MAGI2: variants seen among roughly 807,000 people sequenced by gnomAD.
The protein encoded by MAGI2 is membrane-associated guanylate kinase, WW and PDZ domain-containing protein 2.
Under a neutral mutation model 133.3 loss-of-function variants are expected in MAGI2, and 35 were observed. The observed-to-expected ratio is 0.26, with a 90% CI of 0.20 to 0.35. The LOEUF is 0.35. Ranked by LOEUF, MAGI2 falls within the 10% of genes least tolerant of loss-of-function variation. The probability of loss-of-function intolerance (pLI) is 1.00; values close to 1 mark genes in which losing one functional copy is unlikely to be tolerated. For synonymous variants in MAGI2, 729 were observed against 710.6 expected, an observed-to-expected ratio of 1.03 and a Z score of -0.41; for missense variants, 1,636 against 1,863.4, an observed-to-expected ratio of 0.88 and a Z score of 2.25.
At chr7:78,253,380 C>T (rs778369439) in intron 10 of MAGI2, 4 of 152,040 alleles carry the variant, frequency 2.6e-5, no homozygotes, top group Non-Finnish European at 5.9e-5. Context: ...TTAGTGGTTA[C>T]CTGGGGTTTG....
intron 21 of MAGI2, among the ~76,000 whole-genome samples, chr7:78,020,930 T>C (rs191355546): frequency 1.2e-3 from 186 of 152,334 alleles, no homozygotes; most frequent in Non-Finnish European, 2.3e-3. Flanking sequence ...AAGATAATTC[T>C]TTCTAGGAAG....
At position 78,138,625 on chromosome 7, in the gene MAGI2, T is replaced by TCACA. The variant is rs202115434; in HGVS notation, c.2846-3423_2846-3420dup. On this transcript the variant is annotated intron_variant, in intron 16 of 21. Coordinates refer to ENST00000354212, the MANE Select transcript of MAGI2 (RefSeq NM_012301.4). The stretch of plus-strand genomic sequence containing the variant: ...ATCCCAAATGTTTCAAAACATAGAT[T>TCACA]CACACACACACACACACACACACAC... Among the ~76,000 whole-genome samples the TCACA allele has an allele frequency of 6.7e-3, 865 of 129,382 alleles. 6 individuals are homozygous for TCACA. The highest frequency in any genetic ancestry group is 0.021 in the East Asian group (90 of 4,360). The allele number at this position is 129,382 out of a possible 152,430, so 84.9% of individuals were successfully genotyped here.
At chr7:78,997,155 T>C (rs1806383621) in intron 2 of MAGI2, among the ~76,000 whole-genome samples, 2 of 152,178 alleles carry the variant, frequency 1.3e-5, no homozygotes, top group Non-Finnish European at 1.5e-5. Flanking sequence ...GTGAAACTAT[T>C]GTCTTTATTA....
At chr7:79,188,460 T>C (rs1377387111) in intron 1 of MAGI2, among the ~76,000 whole-genome samples, 4 of 151,958 alleles carry the variant, frequency 2.6e-5, no homozygotes, top group Admixed American at 2.0e-4. Context: ...ATGATCTCAT[T>C]CCTTTTTATG....
intron 1 of MAGI2, among the ~76,000 whole-genome samples, chr7:79,196,216 A>AT (rs1828066270): frequency 6.8e-6 from 1 of 146,332 alleles, no homozygotes; most frequent in African/African-American, 2.7e-5. Flanking sequence ...TTTCATGTCA[A>AT]TTTAAAAATA....
chr7:78,566,015 T>C (rs1273995769), intron 3 of MAGI2, among the ~76,000 whole-genome samples: 1 of 152,198 alleles, frequency 6.6e-6, no homozygotes, highest in Non-Finnish European at 1.5e-5. Context: ...TGTGTAAAGA[T>C]AACTATTCCA....
At chr7:79,440,182 T>A (rs2129195887) in intron 1 of MAGI2, among the ~76,000 whole-genome samples, 1 of 152,146 alleles carries the variant, frequency 6.6e-6, no homozygotes, top group African/African-American at 2.4e-5. Context: ...CTTTTTTTTT[T>A]TTCTTTACAT....
At chr7:79,129,323 G>A (rs1400865442) in intron 1 of MAGI2, among the ~76,000 whole-genome samples, 1 of 152,118 alleles carries the variant, frequency 6.6e-6, no homozygotes, top group African/African-American at 2.4e-5. Context: ...TGTGTATCAC[G>A]TTTGCACCAT....
chr7:79,351,422 C>T (rs1392001062), intron 1 of MAGI2, among the ~76,000 whole-genome samples: 4 of 152,044 alleles, frequency 2.6e-5, no homozygotes, highest in African/African-American at 7.2e-5. Context: ...TTGCTATTAA[C>T]GAGCATGTTG....
chr7:78,696,320 A>G (rs1817509972), intron 2 of MAGI2, among the ~76,000 whole-genome samples: 1 of 152,194 alleles, frequency 6.6e-6, no homozygotes, highest in African/African-American at 2.4e-5. Context: ...AAGCAAATTT[A>G]AGCTCAACTG....
At chr7:79,239,014 C>T (rs1267076683) in intron 1 of MAGI2, among the ~76,000 whole-genome samples, 3 of 152,008 alleles carry the variant, frequency 2.0e-5, no homozygotes, top group Non-Finnish European at 4.4e-5. Context: ...ATAATAAAAT[C>T]GTAGTAACAT....
At chr7:78,328,529 A>ACACACACACACACACCC (rs1408831333) in intron 9 of MAGI2, among the ~76,000 whole-genome samples, 2 of 99,776 alleles carry the variant, frequency 2.0e-5, no homozygotes, top group African/African-American at 7.6e-5. Context: ...ACACACACAC[A>ACACACACACACACACCC]CCCCTCTCTC....
At chr7:78,601,474 A>G (rs1805201747) in intron 3 of MAGI2, among the ~76,000 whole-genome samples, 1 of 152,198 alleles carries the variant, frequency 6.6e-6, no homozygotes, top group Non-Finnish European at 1.5e-5. Flanking sequence ...AGTATGTTGC[A>G]TATTTTATAT....
At chr7:79,438,205 C>T (rs1386024178) in intron 1 of MAGI2, among the ~76,000 whole-genome samples, 1 of 152,116 alleles carries the variant, frequency 6.6e-6, no homozygotes, top group Non-Finnish European at 1.5e-5. Flanking sequence ...AGAAACATGC[C>T]ATCTGCCAGG....
At position 79,453,554 on chromosome 7, in the gene MAGI2, C is replaced by A; in HGVS notation, c.-234G>T. ...AGAGCTTGGATGAGGTTGTGCTGTC[C>A]CTTGAATGACACTCAAGGCTGTGGC... On this transcript the variant is annotated 5_prime_UTR_variant, in exon 1 of 22. Transcript: ENST00000354212. 7.8e-7 allele frequency: 1 copy of A among 1,276,130 alleles called. No individual in the cohort carries two copies. The highest frequency in any genetic ancestry group is 9.9e-7 in the Non-Finnish European group (1 of 1,012,942). The allele number at this position is 1,276,130 out of a possible 1,614,324, so 79.1% of individuals were successfully genotyped here. A position where few individuals can be genotyped will look rare whatever the true frequency, so the allele number is the denominator to read the frequency against.
intron 21 of MAGI2, among the ~76,000 whole-genome samples, chr7:78,066,846 C>T (rs544934372): frequency 6.6e-6 from 1 of 152,320 alleles, no homozygotes; most frequent in East Asian, 1.9e-4. Context: ...ATCCATGCAG[C>T]TTGGATGTGT....
chr7:78,766,240 C>T (rs1825016678), intron 2 of MAGI2, among the ~76,000 whole-genome samples: 1 of 152,150 alleles, frequency 6.6e-6, no homozygotes, highest in South Asian at 2.1e-4. Context: ...TGAGTGGCTT[C>T]CAGAGTCAGT....
At chr7:78,722,545 T>C (rs1200563114) in intron 2 of MAGI2, among the ~76,000 whole-genome samples, 1 of 152,042 alleles carries the variant, frequency 6.6e-6, no homozygotes, top group Non-Finnish European at 1.5e-5. Context: ...CTCAAGACTA[T>C]AGCCAAAGAA....
intron 10 of MAGI2, among the ~76,000 whole-genome samples, chr7:78,244,549 G>A (rs1001743891): frequency 6.6e-6 from 1 of 152,148 alleles, no homozygotes; most frequent in Non-Finnish European, 1.5e-5. Flanking sequence ...TTTCTCAGCA[G>A]AGAAAGTATA....
Sources: gnomAD v4.1 joint callset for allele counts (sites outside exome capture counted in the v4.1 genomes callset) on GRCh38, gnomAD v4.1.1 for gene constraint, MANE v1.5 for transcripts, NCBI Gene and HGNC (gene_info 2026-07-23, HGNC 2026-07-21) for gene names.